The following LMO3 variants were observed in gnomAD, a reference collection of about 807,000 sequenced individuals.
LMO3 encodes the protein LIM domain only 3, also known as LIM domain only protein 3.
A neutral mutation model predicts 15.8 loss-of-function variants in LMO3; 2 were observed. The observed-to-expected ratio is 0.13, with a 90% CI of 0.05 to 0.40. LMO3 has a LOEUF of 0.40. LMO3 is among the 10% of genes least tolerant of loss of function. The probability of loss-of-function intolerance (pLI) is 0.99; values close to 1 mark genes in which losing one functional copy is unlikely to be tolerated. For synonymous variants in LMO3, 62 were observed against 63.8 expected (o/e 0.97, Z 0.13); for missense variants, 86 against 182.2 (o/e 0.47, Z 3.04).
In LMO3 at chr12:16,598,086, A is replaced by G. The variant is rs188571644; in HGVS notation, c.206+2569T>C. On this transcript the variant is annotated intron_variant, in intron 2 of 3. Transcript: ENST00000537304. The surrounding 1 kb of genome is among the most constrained non-coding windows in gnomAD (Gnocchi z 4.3). ...ATCTAATCAAAGAAATTAATTTGTA[A>G]ATAAAATCTGCTTGACTATATTTGT... is the stretch of plus-strand genomic sequence containing the variant. The G allele has an allele frequency of 3.3e-5, 5 of 152,198 alleles. No homozygotes were observed. Among genetic ancestry groups the G allele is most frequent in the Admixed American group, 2.6e-4 (4 of 15,276 alleles). The allele number at this position is 152,198 out of a possible 1,614,324, so 9.4% of individuals were successfully genotyped here. A position where few individuals can be genotyped will look rare whatever the true frequency, so the allele number is the denominator to read the frequency against.
rs1035307072 is a variant in LMO3, at chr12:16,576,776, A to G, written c.207-16238T>C. On this transcript the variant is annotated intron_variant, in intron 2 of 3. Coordinates refer to ENST00000537304, the MANE Select transcript of LMO3 (RefSeq NM_018640.5). This position sits in a 1 kb window ranked among gnomAD's most constrained non-coding sequence, Gnocchi z 4.1. ...ACTGCATACAGGGATTTTACTTATGACCCCTAGATTAGTACCATCTATTTT... is the reference window on the plus strand; with the variant it reads ...ACTGCATACAGGGATTTTACTTATGGCCCCTAGATTAGTACCATCTATTTT... Among the ~76,000 whole-genome samples the G allele has an allele frequency of 6.6e-6, 1 of 152,172 alleles. No homozygotes were observed. The highest frequency in any genetic ancestry group is 2.4e-5 in the African/African-American group (1 of 41,438).
chr12:16,563,050 G>T (rs952601173), intron 2 of LMO3, among the ~76,000 whole-genome samples: 2 of 152,038 alleles, frequency 1.3e-5, no homozygotes, highest in Non-Finnish European at 2.9e-5. Flanking sequence ...CTTCTTCCAC[G>T]CACTTTCCCT....
At chr12:16,569,790 G>T (rs984464032) in intron 2 of LMO3, among the ~76,000 whole-genome samples, 6 of 151,910 alleles carry the variant, frequency 3.9e-5, no homozygotes, top group Non-Finnish European at 8.8e-5. Flanking sequence ...GTTATGGAAA[G>T]AACTAGAGTA....
In LMO3 at chr12:16,559,512, T is replaced by G. The variant is rs77471288; in HGVS notation, c.332+901A>C. ...GCAGAGCCCATATTAGAATTTAGGT[T>G]TCCAGGTTCCCTGTTCAACACTTTT... On this transcript the variant is annotated intron_variant, in intron 3 of 3. Transcript: ENST00000537304. This position sits in a 1 kb window ranked among gnomAD's most constrained non-coding sequence, Gnocchi z 4.1. Among the ~76,000 whole-genome samples the G allele has an allele frequency of 0.019, 2,848 of 152,286 alleles. 94 individuals carry two copies. The highest frequency in any genetic ancestry group is 0.064 in the African/African-American group (2,675 of 41,538).
chr12:16,572,568 T>C (rs2137455562), intron 2 of LMO3, among the ~76,000 whole-genome samples: 1 of 150,128 alleles, frequency 6.7e-6, no homozygotes, highest in Non-Finnish European at 1.5e-5. Context: ...AAACTGGATG[T>C]CAAACCCTTC....
rs1943487821 is a variant in LMO3, at chr12:16,591,263, T to A, written c.206+9392A>T. 6.6e-6 allele frequency among the ~76,000 whole-genome samples: 1 copy of A among 151,982 alleles called. No homozygotes were observed. The highest frequency in any genetic ancestry group is 2.1e-4 in the South Asian group (1 of 4,830). On this transcript the variant is annotated intron_variant, in intron 2 of 3. Transcript: ENST00000537304. This position sits in a 1 kb window ranked among gnomAD's most constrained non-coding sequence, Gnocchi z 4.1. ...TGAGAAAAACTCCCACCTCAGGGCC[T>A]TTGTACTGGATGTTCCTGAGCCCAG...
Position 16,587,025 on chromosome 12 carries a change from G to A in LMO3, c.206+13630C>T, listed in dbSNP as rs550969233. Among the ~76,000 whole-genome samples, 8 of 152,168 alleles carry A rather than the reference G, an allele frequency of 5.3e-5. No homozygotes were observed. The South Asian group carries it at 8.3e-4, about 16-fold the overall frequency. ...CTCCTCTAAAAATCCAACATATCTC[G>A]TCACATCTCATATTTGGTTATTTTC... is the stretch of plus-strand genomic sequence containing the variant. On this transcript the variant is annotated intron_variant, in intron 2 of 3. Transcript: ENST00000537304. This position sits in a 1 kb window ranked among gnomAD's most constrained non-coding sequence, Gnocchi z 4.3.
At position 16,591,406 on chromosome 12, in the gene LMO3, C is replaced by A. The variant is rs926122653; in HGVS notation, c.206+9249G>T. 2.0e-5 allele frequency among the ~76,000 whole-genome samples: 3 copies of A among 152,016 alleles called. No homozygotes were observed. Among genetic ancestry groups the A allele is most frequent in the African/African-American group, 7.2e-5 (3 of 41,426 alleles). ...TCCACACAAACCAAAATTCTACAAA[C>A]CTCTTGTACTGCTTCATTTTCTCCT... On this transcript the variant is annotated intron_variant, in intron 2 of 3. Transcript: ENST00000537304. The surrounding 1 kb of genome is among the most constrained non-coding windows in gnomAD (Gnocchi z 4.1).
chr12:16,579,685 C>G (rs1591805018), intron 2 of LMO3, among the ~76,000 whole-genome samples: 1 of 152,264 alleles, frequency 6.6e-6, no homozygotes, highest in East Asian at 1.9e-4. Context: ...CCCCACCTAG[C>G]CTACTAGGCA....
At chr12:16,609,261 A>ACAC (rs1465889400), upstream of LMO3, 1 of 152,124 alleles carries the variant, frequency 6.6e-6, no homozygotes, top group East Asian at 1.9e-4. Flanking sequence ...TTTGCGAAAA[A>ACAC]CACCATTAAC....
rs1056958635 is a variant in LMO3 at position 16,576,026 on chromosome 12, G to A, written c.207-15488C>T. Among the ~76,000 whole-genome samples the A allele has an allele frequency of 2.0e-5, 3 of 152,016 alleles. No individual in the cohort carries two copies. The highest frequency in any genetic ancestry group is 3.9e-4 in the East Asian group (2 of 5,168). ...TCAGACCCCCAAATCTAGCCCTGCC[G>A]CTGTGTTAAAAGGGGATCTGTCCTC... On this transcript the variant is annotated intron_variant, in intron 2 of 3. Coordinates refer to ENST00000537304, the MANE Select transcript of LMO3 (RefSeq NM_018640.5). The surrounding 1 kb of genome is among the most constrained non-coding windows in gnomAD (Gnocchi z 4.1).
chr12:16,608,312 T>A (rs1944068664), upstream of LMO3: 1 of 152,144 alleles, frequency 6.6e-6, no homozygotes, highest in South Asian at 2.1e-4. This position sits in a 1 kb window ranked among gnomAD's most constrained non-coding sequence, Gnocchi z 4.1. Context: ...AAATTAATTA[T>A]GTTCAAGGAG....
chr12:16,552,930 G>C (rs1942045208), intron 3 of LMO3, among the ~76,000 whole-genome samples: 1 of 143,456 alleles, frequency 7.0e-6, no homozygotes, highest in Non-Finnish European at 1.6e-5. Flanking sequence ...GCAACCAGTA[G>C]GGTCCAAACT....
Position 16,585,324 on chromosome 12 carries a change from C to T in LMO3, c.206+15331G>A, listed in dbSNP as rs113221798. Among the ~76,000 whole-genome samples, 2,074 of 152,190 alleles carry T rather than the reference C, an allele frequency of 0.014. 65 individuals are homozygous for T. Among genetic ancestry groups the T allele is most frequent in the African/African-American group, 0.048 (1,994 of 41,516 alleles). Reference sequence around the variant, plus strand: ...TTACTGCTTCAAGAAAAAGGATTTGCATATTTGTGTATATATTTTTAAAAA... The same window carrying T: ...TTACTGCTTCAAGAAAAAGGATTTGTATATTTGTGTATATATTTTTAAAAA... On this transcript the variant is annotated intron_variant, in intron 2 of 3. Coordinates refer to ENST00000537304, the MANE Select transcript of LMO3 (RefSeq NM_018640.5). The surrounding 1 kb of genome is among the most constrained non-coding windows in gnomAD (Gnocchi z 4.7).
At chr12:16,553,947 A>C (rs1404397302) in intron 3 of LMO3, among the ~76,000 whole-genome samples, 2 of 152,134 alleles carry the variant, frequency 1.3e-5, no homozygotes, top group African/African-American at 4.8e-5. Context: ...ATTACTAAAA[A>C]TAAACATAAT....
At chr12:16,567,950 A>G (rs763526227) in intron 2 of LMO3, among the ~76,000 whole-genome samples, 15 of 152,132 alleles carry the variant, frequency 9.9e-5, no homozygotes, top group Non-Finnish European at 2.2e-4. Flanking sequence ...CATTTTAACA[A>G]CATGGTGGGG....
At position 16,596,038 on chromosome 12, in the gene LMO3, T is replaced by A. The variant is rs61033050; in HGVS notation, c.206+4617A>T. ...ATAATATTAACAACATATTCCTATTTACCTTTACACTTATAATTATGTACC... is the reference window on the plus strand; with the variant it reads ...ATAATATTAACAACATATTCCTATTAACCTTTACACTTATAATTATGTACC... On this transcript the variant is annotated intron_variant, in intron 2 of 3. Transcript: ENST00000537304. The surrounding 1 kb of genome is among the most constrained non-coding windows in gnomAD (Gnocchi z 4.3). 0.13 allele frequency among the ~76,000 whole-genome samples: 19,397 copies of A among 151,576 alleles called. 3,871 individuals carry two copies. Among genetic ancestry groups the A allele is most frequent in the African/African-American group, 0.43 (17,650 of 41,418 alleles).
intron 2 of LMO3, among the ~76,000 whole-genome samples, chr12:16,577,543 T>C (rs1943032379): frequency 6.6e-6 from 1 of 152,202 alleles, no homozygotes. Context: ...AGCCAGATTT[T>C]CTACTAGATG....
chr12:16,603,052 T>C lies in LMO3; in HGVS notation c.-8-2184A>G, dbSNP rs1401792839. ...ATTTCCCACAGTTGTGTTTCTACCA[T>C]CAAGCATAGAAGGTCAGCTGTTTTA... is the stretch of plus-strand genomic sequence containing the variant. On this transcript the variant is annotated intron_variant, in intron 1 of 3. Coordinates refer to ENST00000537304, the MANE Select transcript of LMO3 (RefSeq NM_018640.5). This position sits in a 1 kb window ranked among gnomAD's most constrained non-coding sequence, Gnocchi z 4.9. Among the ~76,000 whole-genome samples, 1 of 151,730 alleles carries C rather than the reference T, an allele frequency of 6.6e-6. No individual in the cohort carries two copies. Among genetic ancestry groups the C allele is most frequent in the Non-Finnish European group, 1.5e-5 (1 of 67,972 alleles).
Sources: gnomAD v4.1 joint callset for allele counts (sites outside exome capture counted in the v4.1 genomes callset) on GRCh38, gnomAD v4.1.1 for gene constraint, Gnocchi (gnomAD v3.1) non-coding constraint, MANE v1.5 for transcripts, NCBI Gene and HGNC (gene_info 2026-07-23, HGNC 2026-07-21) for gene names.